The following SPAG16 variants were observed in gnomAD, a reference collection of about 807,000 sequenced individuals.
SPAG16 encodes the protein sperm-associated antigen 16 protein.
Under a neutral mutation model 80.4 loss-of-function variants are expected in SPAG16, and 86 were observed. The observed-to-expected ratio is 1.07, with a 90% CI of 0.90 to 1.28. The LOEUF (loss-of-function observed/expected upper bound fraction) is 1.28, where lower values mean the gene tolerates loss of function less well. Ranked by LOEUF, SPAG16 falls within the 50% of genes most tolerant of loss-of-function variation. SPAG16 has a pLI of 0.00. For synonymous variants in SPAG16, 294 were observed against 265.9 expected (o/e 1.11, Z -1.03); for missense variants, 870 against 765.3 (o/e 1.14, Z -1.61).
At chr2:213,978,355 T>A (rs1035469355) in intron 12 of SPAG16, among the ~76,000 whole-genome samples, 1 of 152,108 alleles carries the variant, frequency 6.6e-6, no homozygotes, top group African/African-American at 2.4e-5. Flanking sequence ...AGAATATTCT[T>A]TCCTCAAATT....
rs1352453903 is a variant in SPAG16, at chr2:213,322,746, G to T, written c.536+5390G>T. Among the ~76,000 whole-genome samples, 3 of 152,152 alleles carry T rather than the reference G, an allele frequency of 2.0e-5. No individual in the cohort carries two copies. The East Asian group carries it at 5.8e-4, about 29-fold the overall frequency. ...AACATGGGTAAAGGAGACAGACGGG[G>T]TGCTGTTTTATGTAGGATTGGTAAG... is the stretch of plus-strand genomic sequence containing the variant. On this transcript the variant is annotated intron_variant, in intron 5 of 15. Transcript: ENST00000331683.
chr2:213,596,064 AT>A (rs1443321536), intron 10 of SPAG16, among the ~76,000 whole-genome samples: 2 of 152,092 alleles, frequency 1.3e-5, no homozygotes, highest in Non-Finnish European at 2.9e-5. Flanking sequence ...TACCAGCAGC[AT>A]TTATTTGTTT....
chr2:213,825,705 T>G (rs10194352), intron 10 of SPAG16, among the ~76,000 whole-genome samples: 3 of 26,008 alleles, frequency 1.2e-4, no homozygotes, highest in Non-Finnish European at 4.8e-4. Flanking sequence ...TTCTTTCTTT[T>G]TTTTTTTTTT....
chr2:213,524,445 C>T (rs951093991), intron 10 of SPAG16, among the ~76,000 whole-genome samples: 1 of 152,172 alleles, frequency 6.6e-6, no homozygotes, highest in African/African-American at 2.4e-5. Context: ...ATCCTCTAGA[C>T]TGCAGAATGG....
At chr2:213,638,638 A>T (rs1185395788) in intron 10 of SPAG16, among the ~76,000 whole-genome samples, 1 of 152,098 alleles carries the variant, frequency 6.6e-6, no homozygotes, top group African/African-American at 2.4e-5. Context: ...TCTTAAATTT[A>T]TTGAGACTTG....
At chr2:214,321,910 C>T (rs1188901116) in intron 15 of SPAG16, among the ~76,000 whole-genome samples, 1 of 152,176 alleles carries the variant, frequency 6.6e-6, no homozygotes, top group East Asian at 1.9e-4. Flanking sequence ...CTGCTATACC[C>T]CCAATCTGAA....
chr2:213,638,369 G>T (rs10153628), intron 10 of SPAG16, among the ~76,000 whole-genome samples: 3,882 of 152,044 alleles, frequency 0.026, 160 homozygotes, highest in African/African-American at 0.087. Flanking sequence ...ACTTTTTGAT[G>T]TAGGCATTTA....
chr2:213,340,200 C>T lies in SPAG16; in HGVS notation c.574C>T (p.Arg192Cys), dbSNP rs139287788. 1.4e-4 allele frequency: 222 copies of T among 1,611,238 alleles called. 1 individual carries two copies. The highest frequency in any genetic ancestry group is 6.7e-5 in the African/African-American group (5 of 74,738). ...REDLLKIQKE[R>C]DFHRMHHKRI... ...AGATTTGCTGAAAATTCAGAAAGAA[C>T]GTGATTTTCATCGAATGCATCATAA... is the stretch of plus-strand genomic sequence containing the variant. Residue 192 changes from arginine to cysteine, a missense_variant, in exon 6 of 16, where the codon CGT becomes TGT. Arg to Cys is a radical substitution (Grantham distance 180). Transcript: ENST00000331683.
At chr2:213,880,885 A>G (rs1442435106) in intron 11 of SPAG16, among the ~76,000 whole-genome samples, 2 of 152,184 alleles carry the variant, frequency 1.3e-5, no homozygotes, top group African/African-American at 4.8e-5. Context: ...GCTGTTCAGT[A>G]TAGTTTGAAG....
chr2:213,296,021 T>G, intron 1 of SPAG16, 43 bp from the exon 2 acceptor site: 1 of 1,560,628 alleles, frequency 6.4e-7, no homozygotes, highest in Non-Finnish European at 8.8e-7. Context: ...TGCAATAATT[T>G]TATTCTATAT....
intron 9 of SPAG16, among the ~76,000 whole-genome samples, chr2:213,383,773 TC>T (rs1439556113): frequency 6.6e-6 from 1 of 152,218 alleles, no homozygotes; most frequent in East Asian, 1.9e-4. Context: ...ATCATGTTTA[TC>T]CATTCTGATT....
At chr2:214,199,923 G>C (rs2057960343) in intron 15 of SPAG16, among the ~76,000 whole-genome samples, 1 of 152,136 alleles carries the variant, frequency 6.6e-6, no homozygotes, top group Admixed American at 6.6e-5. Flanking sequence ...GTGTACAGCA[G>C]TGCTACTGAT....
In SPAG16 at chr2:214,259,654, G is replaced by GTTTA. The variant is rs147067276; in HGVS notation, c.1720+110392_1720+110395dup. On this transcript the variant is annotated intron_variant, in intron 15 of 15. Coordinates refer to ENST00000331683, the MANE Select transcript of SPAG16 (RefSeq NM_024532.5). ...TTGATTTTTGGTTGGTTTGGTTGGT[G>GTTTA]TTTATTTTGTTTTGTTTTCGTCTCC... Among the ~76,000 whole-genome samples, 782 of 151,548 alleles carry GTTTA rather than the reference G, an allele frequency of 5.2e-3. 6 individuals are homozygous for GTTTA. The highest frequency in any genetic ancestry group is 0.018 in the African/African-American group (741 of 41,336).
intron 15 of SPAG16, among the ~76,000 whole-genome samples, chr2:214,319,223 C>CACACACACACACACACACACAA (rs1352747000): frequency 1.3e-5 from 2 of 151,098 alleles, no homozygotes; most frequent in Non-Finnish European, 3.0e-5. Flanking sequence ...CACACACACA[C>CACACACACACACACACACACAA]AAGAAGTGTA....
intron 12 of SPAG16, among the ~76,000 whole-genome samples, chr2:213,938,204 A>C (rs757534352): frequency 7.2e-5 from 11 of 151,936 alleles, no homozygotes; most frequent in Non-Finnish European, 1.5e-4. Flanking sequence ...CCTTTTCTCC[A>C]ACTCTGCACA....
intron 15 of SPAG16, among the ~76,000 whole-genome samples, chr2:214,156,274 C>G (rs1024412783): frequency 1.3e-5 from 2 of 152,142 alleles, no homozygotes; most frequent in African/African-American, 4.8e-5. Context: ...AGAACTCCAA[C>G]CTTACACTGC....
chr2:214,041,099 T>G (rs573520227), intron 13 of SPAG16, among the ~76,000 whole-genome samples: 9 of 152,020 alleles, frequency 5.9e-5, no homozygotes, highest in South Asian at 4.1e-4. Flanking sequence ...TACTTTTATT[T>G]GAATATATTC....
intron 10 of SPAG16, among the ~76,000 whole-genome samples, chr2:213,798,906 CT>C (rs1388515138): frequency 2.6e-5 from 4 of 152,176 alleles, no homozygotes; most frequent in Non-Finnish European, 5.9e-5. Context: ...GAGTTTATTA[CT>C]GGGTTCTTAA....
intron 10 of SPAG16, among the ~76,000 whole-genome samples, chr2:213,530,153 A>T (rs1295486916): frequency 6.6e-6 from 1 of 152,252 alleles, no homozygotes; most frequent in Non-Finnish European, 1.5e-5. Context: ...AATAAGCTAG[A>T]GTATACTCTA....
Sources: gnomAD v4.1 joint callset for allele counts (sites outside exome capture counted in the v4.1 genomes callset) on GRCh38, gnomAD v4.1.1 for gene constraint, MANE v1.5 for transcripts, NCBI Gene and HGNC (gene_info 2026-07-23, HGNC 2026-07-21) for gene names.